Variants in LEKR1 observed in about 807,000 individuals in gnomAD.
The protein encoded by LEKR1 is protein LEKR1.
Under a neutral mutation model 72.4 loss-of-function variants are expected in LEKR1, and 59 were observed. The ratio of observed to expected loss-of-function variants is 0.82; its 90% CI spans 0.66 to 1.01. LEKR1 has a LOEUF of 1.01. Among genes scored for constraint, LEKR1 ranks in the 50% least tolerant of loss-of-function variants. LEKR1 has a pLI of 0.00. For missense variants in LEKR1, 728 were observed against 759.2 expected (o/e 0.96, Z 0.48); for synonymous variants, 257 against 263.2 (o/e 0.98, Z 0.23).
chr3:156,937,173 G>GAACAAC (rs58343127), intron 5 of LEKR1, among the ~76,000 whole-genome samples: 4,793 of 151,196 alleles, frequency 0.032, 111 homozygotes, highest in Non-Finnish European at 0.047. Context: ...AGAACAGCAA[G>GAACAAC]AACAACAACA....
At chr3:156,928,450 TA>T (rs560222973) in intron 5 of LEKR1, among the ~76,000 whole-genome samples, 1 of 152,064 alleles carries the variant, frequency 6.6e-6, no homozygotes, top group Non-Finnish European at 1.5e-5. Flanking sequence ...AAAACTGTTC[TA>T]AAAAATAGTC....
chr3:156,874,267 C>G (rs1259573967), intron 3 of LEKR1, among the ~76,000 whole-genome samples: 1 of 151,332 alleles, frequency 6.6e-6, no homozygotes, highest in Admixed American at 6.6e-5. Context: ...AATTGTTTTT[C>G]TGATTTCTTG....
At chr3:156,995,239 TG>T (rs1731468367) in intron 9 of LEKR1, among the ~76,000 whole-genome samples, 1 of 152,228 alleles carries the variant, frequency 6.6e-6, no homozygotes, top group African/African-American at 2.4e-5. Flanking sequence ...ATAGCTTTCT[TG>T]GGGAATTGCT....
intron 3 of LEKR1, among the ~76,000 whole-genome samples, chr3:156,858,565 T>C (rs146870967): frequency 6.6e-6 from 1 of 151,620 alleles, no homozygotes; most frequent in Non-Finnish European, 1.5e-5. Flanking sequence ...CCCCAGACAC[T>C]TGGGAGGCTG....
At chr3:157,030,077 A>G (rs1165765387) in intron 12 of LEKR1, among the ~76,000 whole-genome samples, 1 of 152,186 alleles carries the variant, frequency 6.6e-6, no homozygotes, top group Non-Finnish European at 1.5e-5. Flanking sequence ...AGTTCTGGCG[A>G]GGACCTTAGG....
intron 12 of LEKR1, among the ~76,000 whole-genome samples, chr3:157,030,135 T>A (rs975681396): frequency 1.3e-5 from 2 of 152,062 alleles, no homozygotes; most frequent in African/African-American, 4.8e-5. Context: ...GTGCATCACA[T>A]GGTGAGAGAG....
intron 2 of LEKR1, among the ~76,000 whole-genome samples, chr3:156,849,364 A>G (rs908076014): frequency 6.6e-6 from 1 of 152,226 alleles, no homozygotes; most frequent in Admixed American, 6.5e-5. Flanking sequence ...TGCCATCCCC[A>G]TCAAGCTACT....
intron 6 of LEKR1, among the ~76,000 whole-genome samples, chr3:156,961,479 A>G (rs1302201449): frequency 6.6e-6 from 1 of 152,196 alleles, no homozygotes; most frequent in Non-Finnish European, 1.5e-5. Flanking sequence ...TTCTATCTCT[A>G]TAGACTTACC....
Position 156,983,611 on chromosome 3 carries a change from C to A in LEKR1, c.827+4336C>A, listed in dbSNP as rs553162407. 2.2e-4 allele frequency among the ~76,000 whole-genome samples: 34 copies of A among 152,062 alleles called. No homozygotes were observed. In the South Asian group the frequency reaches 6.9e-3, roughly 31 times the overall value. On this transcript the variant is annotated intron_variant, in intron 7 of 12. Transcript: ENST00000356539. Reference sequence around the variant, plus strand: ...CATATGGACCATTTAAGCCAGCTGGCCCCTCATCAATACCCTACAATCAGC... The same window carrying A: ...CATATGGACCATTTAAGCCAGCTGGACCCTCATCAATACCCTACAATCAGC...
chr3:156,848,009 G>A (rs148496490), intron 2 of LEKR1, among the ~76,000 whole-genome samples: 77 of 152,268 alleles, frequency 5.1e-4, no homozygotes, highest in African/African-American at 1.6e-3. Context: ...CCCATCAAGA[G>A]TTTTCTTTAG....
chr3:156,925,829 G>C (rs371304549), intron 4 of LEKR1, among the ~76,000 whole-genome samples: 1 of 152,030 alleles, frequency 6.6e-6, no homozygotes, highest in African/African-American at 2.4e-5. Flanking sequence ...TGGAGGATCT[G>C]AGTAAGGGAA....
chr3:156,857,600 A>G (rs1716226992), intron 3 of LEKR1, among the ~76,000 whole-genome samples: 1 of 152,180 alleles, frequency 6.6e-6, no homozygotes, highest in African/African-American at 2.4e-5. Flanking sequence ...TGAAAATCCA[A>G]AATGTGAAAT....
intron 3 of LEKR1, among the ~76,000 whole-genome samples, chr3:156,855,494 G>T (rs1370782532): frequency 6.6e-6 from 1 of 151,908 alleles, no homozygotes; most frequent in Non-Finnish European, 1.5e-5. Context: ...TTATTTGTAG[G>T]TGCTTTTAAT....
intron 3 of LEKR1, among the ~76,000 whole-genome samples, chr3:156,895,928 A>G (rs202042256): frequency 6.6e-6 from 1 of 152,224 alleles, no homozygotes; most frequent in East Asian, 1.9e-4. Context: ...TTGCAGCACT[A>G]GTCACAATAG....
chr3:156,970,578 G>A (rs1320438220), intron 6 of LEKR1, among the ~76,000 whole-genome samples: 3 of 152,174 alleles, frequency 2.0e-5, no homozygotes, highest in South Asian at 4.1e-4. Flanking sequence ...TGACATGATT[G>A]TGTATCTAGA....
intron 7 of LEKR1, among the ~76,000 whole-genome samples, chr3:156,981,274 T>C (rs1469682837): frequency 6.6e-6 from 1 of 152,204 alleles, no homozygotes; most frequent in Non-Finnish European, 1.5e-5. Flanking sequence ...AGCCTGCCCA[T>C]TTAATATTAA....
chr3:156,957,863 T>C (rs1041636554), intron 6 of LEKR1, among the ~76,000 whole-genome samples: 2 of 152,116 alleles, frequency 1.3e-5, no homozygotes, highest in African/African-American at 4.8e-5. Context: ...CATAGGTCAC[T>C]GTAACCTGAA....
chr3:157,005,894 C>T (rs1732385628), intron 9 of LEKR1, among the ~76,000 whole-genome samples: 1 of 151,918 alleles, frequency 6.6e-6, no homozygotes, highest in Middle Eastern at 3.4e-3. Context: ...ATAGACAACA[C>T]CAAATATATA....
chr3:156,840,904 C>T (rs893750137), intron 2 of LEKR1, among the ~76,000 whole-genome samples: 4 of 152,090 alleles, frequency 2.6e-5, no homozygotes, highest in Non-Finnish European at 5.9e-5. Context: ...TTCCTCTTGC[C>T]CTGAACTAAG....
Sources: allele counts gnomAD v4.1 joint callset (sites outside exome capture counted in the v4.1 genomes callset), GRCh38; gene constraint gnomAD v4.1.1; transcripts MANE v1.5; gene names NCBI Gene and HGNC (gene_info 2026-07-23, HGNC 2026-07-21).